RAD51B: variants seen among roughly 807,000 people sequenced by gnomAD.
The protein encoded by RAD51B is DNA repair protein RAD51 homolog 2.
RAD51B carries 38 observed loss-of-function variants against 42.2 expected under a neutral mutation model. That is an observed-to-expected ratio of 0.90 (90% CI 0.70 to 1.18). The LOEUF (loss-of-function observed/expected upper bound fraction) is 1.18, where lower values mean the gene tolerates loss of function less well. Ranked by LOEUF, RAD51B falls within the 50% of genes most tolerant of loss-of-function variation. The pLI is 0.00. For missense variants in RAD51B, 373 were observed against 400.7 expected (o/e 0.93, Z 0.59); for synonymous variants, 154 against 145.2 (o/e 1.06, Z -0.43).
chr14:67,847,323 GTTCT>G (rs1566921514), intron 4 of RAD51B, among the ~76,000 whole-genome samples: 3 of 93,912 alleles, frequency 3.2e-5, no homozygotes, highest in African/African-American at 9.2e-5. Context: ...GGGTTGGTTT[GTTCT>G]TTTTTTTTTT....
rs996308522 is a variant in RAD51B, at chr14:68,594,668, A to T, written c.*65A>T. 1.6e-5 allele frequency: 21 copies of T among 1,280,534 alleles called. No homozygotes were observed. The African/African-American group carries it at 2.7e-4, about 17-fold the overall frequency. The allele number at this position is 1,280,534 out of a possible 1,614,324, so 79.3% of individuals were successfully genotyped here. A position where few individuals can be genotyped will look rare whatever the true frequency, so the allele number is the denominator to read the frequency against. On this transcript the variant is annotated 3_prime_UTR_variant, in exon 11 of 11. Transcript: ENST00000487270. ...GATCTCAAACTCCTGGCTTCAAGAG[A>T]TCCACCCACCTCAGCCTCCCAAAGC...
intron 7 of RAD51B, among the ~76,000 whole-genome samples, chr14:68,069,821 G>A (rs1004056790): frequency 3.9e-5 from 6 of 152,082 alleles, no homozygotes; most frequent in African/African-American, 1.4e-4. Flanking sequence ...TGGGATTGCT[G>A]GGTCAAAAGG....
intron 4 of RAD51B, among the ~76,000 whole-genome samples, chr14:67,843,023 C>T (rs2041482611): frequency 6.6e-6 from 1 of 152,076 alleles, no homozygotes; most frequent in Admixed American, 6.6e-5. Flanking sequence ...ATAAAGCTTA[C>T]TTAATCATGA....
intron 8 of RAD51B, among the ~76,000 whole-genome samples, chr14:68,357,057 A>G (rs1384451820): frequency 2.0e-5 from 3 of 151,880 alleles, no homozygotes; most frequent in Non-Finnish European, 4.4e-5. Context: ...ATTGCTCTGT[A>G]GCATGTCATG....
At chr14:68,293,833 G>A (rs1032033397) in intron 8 of RAD51B, among the ~76,000 whole-genome samples, 13 of 152,090 alleles carry the variant, frequency 8.5e-5, no homozygotes, top group African/African-American at 2.7e-4. Flanking sequence ...TTAAAGACAC[G>A]ACCATGTCAT....
intron 8 of RAD51B, among the ~76,000 whole-genome samples, chr14:68,335,758 T>C (rs2082442883): frequency 6.6e-6 from 1 of 152,262 alleles, no homozygotes; most frequent in South Asian, 2.1e-4. Context: ...AGTTAGAATC[T>C]GTAACTACTG....
At chr14:68,245,897 C>T (rs771694460) in intron 7 of RAD51B, among the ~76,000 whole-genome samples, 3 of 151,772 alleles carry the variant, frequency 2.0e-5, no homozygotes, top group Non-Finnish European at 4.4e-5. Context: ...GAAGGTAGTG[C>T]GGGGAGTGAA....
intron 5 of RAD51B, among the ~76,000 whole-genome samples, chr14:67,877,313 G>A (rs1485419256): frequency 6.6e-6 from 1 of 152,104 alleles, no homozygotes; most frequent in Non-Finnish European, 1.5e-5. Context: ...TAAGCAAAAT[G>A]GGACTCAGAA....
intron 8 of RAD51B, among the ~76,000 whole-genome samples, chr14:68,399,709 A>T (rs1298186996): frequency 3.3e-5 from 5 of 152,196 alleles, no homozygotes; most frequent in Admixed American, 2.6e-4. Context: ...ATCCCCAAAT[A>T]CTTCAGCATT....
chr14:68,042,651 C>T (rs551033929), intron 7 of RAD51B, among the ~76,000 whole-genome samples: 3 of 152,222 alleles, frequency 2.0e-5, no homozygotes, highest in Non-Finnish European at 2.9e-5. Context: ...AGAAAAGGAG[C>T]GTCCCTCTTA....
chr14:68,590,126 C>T (rs1470285956), intron 10 of RAD51B, among the ~76,000 whole-genome samples: 1 of 152,214 alleles, frequency 6.6e-6, no homozygotes, highest in East Asian at 1.9e-4. Flanking sequence ...GGGTGTCACC[C>T]AGATGCTGAT....
chr14:67,887,745 C>T (rs2043105403), intron 7 of RAD51B, among the ~76,000 whole-genome samples: 1 of 152,148 alleles, frequency 6.6e-6, no homozygotes, highest in Non-Finnish European at 1.5e-5. Flanking sequence ...ATGAAAGTGT[C>T]AGTAAGAAAA....
intron 7 of RAD51B, among the ~76,000 whole-genome samples, chr14:68,056,537 T>C (rs1320048961): frequency 6.6e-6 from 1 of 151,776 alleles, no homozygotes; most frequent in East Asian, 2.0e-4. Context: ...TTGCCTGAGC[T>C]CAGGAGTTTG....
chr14:68,315,723 C>T (rs1227061007), intron 8 of RAD51B, among the ~76,000 whole-genome samples: 1 of 152,086 alleles, frequency 6.6e-6, no homozygotes, highest in East Asian at 1.9e-4. Context: ...AGGGTTTCAC[C>T]ATGTTAGCCA....
At chr14:67,857,739 C>T (rs1390442132) in intron 4 of RAD51B, among the ~76,000 whole-genome samples, 1 of 152,244 alleles carries the variant, frequency 6.6e-6, no homozygotes, top group Admixed American at 6.5e-5. Flanking sequence ...AGATTTTTCT[C>T]AGCCCCTTTG....
chr14:68,274,927 G>T (rs192902804), intron 7 of RAD51B, among the ~76,000 whole-genome samples: 1 of 152,302 alleles, frequency 6.6e-6, no homozygotes, highest in African/African-American at 2.4e-5. Flanking sequence ...TATAGGTGGT[G>T]CTAGTACTTC....
At chr14:68,295,690 G>C (rs2081600816) in intron 8 of RAD51B, among the ~76,000 whole-genome samples, 1 of 152,162 alleles carries the variant, frequency 6.6e-6, no homozygotes, top group Non-Finnish European at 1.5e-5. Context: ...CATCAGAGCA[G>C]AAGGGACTTC....
At chr14:68,402,745 G>A (rs919357399) in intron 8 of RAD51B, among the ~76,000 whole-genome samples, 1 of 152,216 alleles carries the variant, frequency 6.6e-6, no homozygotes, top group Non-Finnish European at 1.5e-5. Context: ...CCTGGAACAA[G>A]TGAGGTTCTC....
intron 7 of RAD51B, among the ~76,000 whole-genome samples, chr14:68,133,653 T>A (rs1280431168): frequency 6.6e-6 from 1 of 152,088 alleles, no homozygotes; most frequent in Non-Finnish European, 1.5e-5. Flanking sequence ...TGTATTTTTT[T>A]AGTAGAGACG....
Sources: allele counts gnomAD v4.1 joint callset (sites outside exome capture counted in the v4.1 genomes callset), GRCh38; gene constraint gnomAD v4.1.1; transcripts MANE v1.5; gene names NCBI Gene and HGNC (gene_info 2026-07-23, HGNC 2026-07-21).